The following POM121C variants were observed in gnomAD, a reference collection of about 807,000 sequenced individuals.
POM121C encodes POM121 transmembrane nucleoporin C.
A neutral mutation model predicts 66.4 loss-of-function variants in POM121C; 20 were observed. The ratio of observed to expected loss-of-function variants is 0.30; its 90% CI spans 0.21 to 0.44. POM121C has a LOEUF of 0.44. Ranked by LOEUF, POM121C falls within the 20% of genes least tolerant of loss-of-function variation. The pLI is 1.00. For missense variants in POM121C, 580 were observed against 1,225.7 expected (o/e 0.47, Z 7.87); for synonymous variants, 286 against 528.0 (o/e 0.54, Z 6.28).
rs1386336601 is a variant in POM121C, at chr7:75,470,180, G to A, written c.-152+4524C>T. The stretch of plus-strand genomic sequence containing the variant: ...CCCAAAGTGCTAGGGTTACAGGCAT[G>A]AGCCACCACGCCCGGCCTTGACACA... On this transcript the variant is annotated intron_variant, in intron 3 of 14. Coordinates refer to ENST00000615331, the MANE Select transcript of POM121C (RefSeq NM_001099415.3). Among the ~76,000 whole-genome samples, 7 of 122,884 alleles carry A rather than the reference G, an allele frequency of 5.7e-5. No homozygotes were observed. In the South Asian group the frequency reaches 8.8e-4, roughly 15 times the overall value. The allele number at this position is 122,884 out of a possible 152,430, so 80.6% of individuals were successfully genotyped here. A position where few individuals can be genotyped will look rare whatever the true frequency, so the allele number is the denominator to read the frequency against.
chr7:75,420,752 T>C (rs1554470490), intron 13 of POM121C: 1 of 152,410 alleles, frequency 6.6e-6, no homozygotes, highest in African/African-American at 2.4e-5. Context: ...CTGCAATGGT[T>C]TTCCTGAACA....
At position 75,419,330 on chromosome 7, in the gene POM121C, A is replaced by G. The variant is rs1252005405; in HGVS notation, c.2856T>C (p.Val952=). The G allele has an allele frequency of 1.9e-6, 3 of 1,613,074 alleles. No individual in the cohort carries two copies. The highest frequency in any genetic ancestry group is 2.2e-5 in the East Asian group (1 of 44,882). Residue 952 remains valine, a synonymous_variant, in exon 14 of 15, where the codon GTT becomes GTC. Coordinates refer to ENST00000615331, the MANE Select transcript of POM121C (RefSeq NM_001099415.3). ...TGGCTTGCTGCTTACCGAACGGTCC[A>G]ACACCAACAAAGCCTTGGGCGGGTG... is the stretch of plus-strand genomic sequence containing the variant. ...SSAPAQGFVG[V]GPFGSAAPSF...
At chr7:75,438,030 G>T (rs1203843783) in intron 6 of POM121C, among the ~76,000 whole-genome samples, 1 of 152,074 alleles carries the variant, frequency 6.6e-6, no homozygotes, top group Non-Finnish European at 1.5e-5. Context: ...CTTAGTGGTG[G>T]GATGGTTCCA....
At chr7:75,468,314 T>A (rs1791749356) in intron 3 of POM121C, among the ~76,000 whole-genome samples, 1 of 74,636 alleles carries the variant, frequency 1.3e-5, no homozygotes, top group Non-Finnish European at 2.8e-5. Context: ...AGACTCCAGC[T>A]TTTTTTTTTT....
At chr7:75,462,995 C>T (rs1791496973) in intron 3 of POM121C, among the ~76,000 whole-genome samples, 1 of 152,024 alleles carries the variant, frequency 6.6e-6, no homozygotes, top group Admixed American at 6.6e-5. Context: ...CTCCATCCTC[C>T]CTGCAGGCAG....
intron 7 of POM121C, among the ~76,000 whole-genome samples, chr7:75,429,116 T>C (rs781857558): frequency 6.6e-6 from 1 of 152,208 alleles, no homozygotes; most frequent in Non-Finnish European, 1.5e-5. Flanking sequence ...TGTTTATTAT[T>C]ATGTCTATTC....
At chr7:75,477,291 A>C (rs1475168696) in intron 1 of POM121C, among the ~76,000 whole-genome samples, 2 of 152,166 alleles carry the variant, frequency 1.3e-5, no homozygotes, top group African/African-American at 4.8e-5. Flanking sequence ...AACTAAGAAA[A>C]AGTAAAAGTG....
chr7:75,433,968 G>T (rs587725512), intron 7 of POM121C, among the ~76,000 whole-genome samples: 16 of 152,188 alleles, frequency 1.1e-4, no homozygotes, highest in African/African-American at 3.9e-4. Flanking sequence ...AAGGGTGCGT[G>T]TATCTCTTAT....
At chr7:75,435,574 C>A (rs1276565366) in intron 7 of POM121C, among the ~76,000 whole-genome samples, 2 of 152,162 alleles carry the variant, frequency 1.3e-5, no homozygotes, top group East Asian at 3.9e-4. Flanking sequence ...AACAAACGAA[C>A]CTCACTGTAT....
intron 3 of POM121C, among the ~76,000 whole-genome samples, chr7:75,473,005 C>T (rs587711306): frequency 1.5e-4 from 23 of 152,308 alleles, no homozygotes; most frequent in African/African-American, 5.5e-4. Context: ...ACAGAATGTG[C>T]TGACGATCTG....
intron 1 of POM121C, among the ~76,000 whole-genome samples, chr7:75,483,491 G>A (rs1385032404): frequency 1.3e-5 from 2 of 152,054 alleles, no homozygotes; most frequent in African/African-American, 2.4e-5. Context: ...CCTTTCACTT[G>A]ACTGTAAGTT....
intron 7 of POM121C, among the ~76,000 whole-genome samples, chr7:75,429,884 G>A (rs1163369369): frequency 6.6e-6 from 1 of 151,488 alleles, no homozygotes; most frequent in Non-Finnish European, 1.5e-5. Context: ...GTGTGGTGAT[G>A]CATGCCTGTA....
At chr7:75,467,544 A>AAAG (rs1554478043) in intron 3 of POM121C, among the ~76,000 whole-genome samples, 1 of 151,610 alleles carries the variant, frequency 6.6e-6, no homozygotes, top group African/African-American at 2.4e-5. Context: ...AAAAAAAAAA[A>AAAG]AAAAAAAAAA....
At chr7:75,481,037 A>ATATATG (rs1792288804) in intron 1 of POM121C, among the ~76,000 whole-genome samples, 1 of 147,876 alleles carries the variant, frequency 6.8e-6, no homozygotes, top group African/African-American at 2.5e-5. Context: ...AAAAATATAT[A>ATATATG]TATATATATA....
chr7:75,421,761 T>G lies in POM121C; in HGVS notation c.2491A>C (p.Thr831Pro). Reference sequence around the variant, plus strand: ...CCCCCAAACGTGAAGGGTGATGGTGTTGTGCTGCCAAACACCGAGCTGCTG... The same window carrying G: ...CCCCCAAACGTGAAGGGTGATGGTGGTGTGCTGCCAAACACCGAGCTGCTG... ...GSSSSVFGST[T>P]PSPFTFGGSA... Residue 831 changes from threonine (T) to proline (P), a missense_variant, in exon 13 of 15, where the codon ACA becomes CCA. Transcript: ENST00000615331. The G allele has an allele frequency of 2.5e-6, 4 of 1,608,038 alleles. No individual in the cohort carries two copies. The highest frequency in any genetic ancestry group is 1.1e-5 in the South Asian group (1 of 90,858).
intron 3 of POM121C, among the ~76,000 whole-genome samples, chr7:75,443,300 G>A (rs1479075559): frequency 2.0e-5 from 3 of 152,244 alleles, no homozygotes; most frequent in Non-Finnish European, 4.4e-5. Context: ...AGTGGGTTTG[G>A]GGGTGGGGAA....
intron 3 of POM121C, among the ~76,000 whole-genome samples, chr7:75,472,138 G>A (rs1485781302): frequency 5.3e-5 from 8 of 151,586 alleles, no homozygotes; most frequent in East Asian, 2.0e-4. Context: ...CGCCCACCTC[G>A]GCCTCCCAAA....
At position 75,421,672 on chromosome 7, in the gene POM121C, G is replaced by A; in HGVS notation, c.2580C>T (p.Ala860=). Residue 860 remains alanine (A), a synonymous_variant, in exon 13 of 15, where the codon GCC becomes GCT. Coordinates refer to ENST00000615331, the MANE Select transcript of POM121C (RefSeq NM_001099415.3). ...GINVATPGSS[A]TTGAFSFGAG... Reference sequence around the variant, plus strand: ...CTCCAAAGCTGAAAGCTCCGGTGGTGGCGCTGGAGCCTGGGGTGGCCACGT... The same window carrying A: ...CTCCAAAGCTGAAAGCTCCGGTGGTAGCGCTGGAGCCTGGGGTGGCCACGT... 1.2e-6 allele frequency: 2 copies of A among 1,611,110 alleles called. No homozygotes were observed. Among genetic ancestry groups the A allele is most frequent in the Non-Finnish European group, 1.7e-6 (2 of 1,179,052 alleles).
rs1790539959 is a variant in POM121C at position 75,439,336 on chromosome 7, A to C, written c.228-112T>G. 2.1e-6 allele frequency: 3 copies of C among 1,418,436 alleles called. No individual in the cohort carries two copies. In the African/African-American group the frequency reaches 4.3e-5, roughly 20 times the overall value. The allele number at this position is 1,418,436 out of a possible 1,614,324, so 87.9% of individuals were successfully genotyped here. ...ACTATCTCTATGGAGCACAGATTCC[A>C]TGCTAGACCAGAAAATGGTTGTTTA... On this transcript the variant is annotated intron_variant, in intron 5 of 14. Transcript: ENST00000615331.
Sources: allele counts gnomAD v4.1 joint callset (sites outside exome capture counted in the v4.1 genomes callset), GRCh38; gene constraint gnomAD v4.1.1; transcripts MANE v1.5; gene names NCBI Gene and HGNC (gene_info 2026-07-23, HGNC 2026-07-21).